The following CITED4 variants were observed in gnomAD, a reference collection of about 807,000 sequenced individuals.
The protein encoded by CITED4 is Cbp/p300 interacting transactivator with ED-rich tail 4.
CITED4 carries 3 observed loss-of-function variants against 3.3 expected under a neutral mutation model. That is an observed-to-expected ratio of 0.92 (90% CI 0.42 to 2.38). The LOEUF (loss-of-function observed/expected upper bound fraction) is 2.38, where lower values mean the gene tolerates loss of function less well. Ranked by LOEUF, CITED4 falls within the 30% of genes most tolerant of loss-of-function variation. CITED4 has a pLI of 0.05. For synonymous variants in CITED4, 167 were observed against 145.8 expected, an observed-to-expected ratio of 1.15 and a Z score of -1.05; for missense variants, 333 against 274.2, an observed-to-expected ratio of 1.21 and a Z score of -1.51.
rs934346252 is a variant in CITED4 at position 40,862,339 on chromosome 1, A to C, written c.-212T>G. ...CAGCCTGGGGTCACAAAGGCCCGCA[A>C]CCTGTAGTGCTCCGAAACCTCCGCG... On this transcript the variant is annotated 5_prime_UTR_variant, in exon 1 of 1. Transcript: ENST00000372638. 6.0e-6 allele frequency: 2 copies of C among 330,874 alleles called. No homozygotes were observed. The highest frequency in any genetic ancestry group is 4.3e-5 in the African/African-American group (2 of 46,226). 20.5% of individuals were successfully genotyped at this position (330,874 alleles called of 1,614,324 possible).
chr1:40,862,014 C>G lies in CITED4; in HGVS notation c.114G>C (p.Pro38=). The change falls in exon 1 of 1, where the codon CCG becomes CCC. Residue 38 remains proline (P), a synonymous_variant. Coordinates refer to ENST00000372638, the MANE Select transcript of CITED4 (RefSeq NM_133467.3). ...GCGGCCTCAGCCCACTGTCCAGGCC[C>G]GGGCCCGCGTACGGCGGCAGAGTCC... The part of the protein sequence containing the change: ...ALRTLPPYAG[P]GLDSGLRPRG... 3 of 1,299,644 alleles carry G rather than the reference C, an allele frequency of 2.3e-6. No homozygotes were observed. Among genetic ancestry groups the G allele is most frequent in the South Asian group, 2.0e-5 (1 of 49,050 alleles). The allele number at this position is 1,299,644 out of a possible 1,614,324, so 80.5% of individuals were successfully genotyped here.
rs1649363431 is a variant in CITED4, at chr1:40,861,128, C to T, written c.*445G>A. On this transcript the variant is annotated 3_prime_UTR_variant, in exon 1 of 1. Coordinates refer to ENST00000372638, the MANE Select transcript of CITED4 (RefSeq NM_133467.3). ...GCTCCACGGGTTCGGGCTGTACAAC[C>T]TTCCCCTCCTTGAGGTGGGAGGCCC... 1 of 153,436 alleles carries T rather than the reference C, an allele frequency of 6.5e-6. No homozygotes were observed. Among genetic ancestry groups the T allele is most frequent in the African/African-American group, 2.4e-5 (1 of 41,508 alleles). The allele number at this position is 153,436 out of a possible 1,614,324, so 9.5% of individuals were successfully genotyped here.
Position 40,861,912 on chromosome 1 carries a change from G to A in CITED4, c.216C>T (p.Ser72=). 8.0e-7 allele frequency: 1 copy of A among 1,254,632 alleles called. No individual in the cohort carries two copies. The highest frequency in any genetic ancestry group is 3.8e-5 in the Admixed American group (1 of 26,578). 77.7% of individuals were successfully genotyped at this position (1,254,632 alleles called of 1,614,324 possible). A position where few individuals can be genotyped will look rare whatever the true frequency, so the allele number is the denominator to read the frequency against. ...GAGGCACGGCCGGAAAGGGCTGGAA[G>A]GAGGACGGCGGCCCGAAGGCCCCGT... ...LAYGAFGPPS[S]FQPFPAVPPP... Residue 72 remains serine (S), a synonymous_variant, in exon 1 of 1, where the codon TCC becomes TCT. Transcript: ENST00000372638.
At position 40,861,962 on chromosome 1, in the gene CITED4, GC is replaced by G; in HGVS notation, c.165del (p.Arg57AlafsTer86). The G allele has an allele frequency of 8.0e-7, 1 of 1,244,538 alleles. No individual in the cohort carries two copies. Among genetic ancestry groups the G allele is most frequent in the Non-Finnish European group, 1.0e-6 (1 of 994,210 alleles). 77.1% of individuals were successfully genotyped at this position (1,244,538 alleles called of 1,614,324 possible). A position where few individuals can be genotyped will look rare whatever the true frequency, so the allele number is the denominator to read the frequency against. Reference protein sequence around the residue: ...RPRGAPLGPPPPRQPGALAYG... With the variant: ...RPRGAPLGPPXPRQPGALAYG... ...TACGCCAGGGCCCCGGGTTGGCGGG[GC>G]GGCGGCGGCCCCAGCGGAGCCCCCC... is the stretch of plus-strand genomic sequence containing the variant. On this transcript the variant is annotated frameshift_variant, in exon 1 of 1. Transcript: ENST00000372638. LOFTEE classifies it low-confidence loss of function (END_TRUNC).
In CITED4 at chr1:40,861,805, C is replaced by T. The variant is rs1441983325; in HGVS notation, c.323G>A (p.Gly108Glu). ...CGCCGGCTGCGGGCCCGGGGGGCCT[C>T]CCGGAGCGTTGGGGGGCGCGGCCGC... ...GRAAAPPNAP[G>E]GPPGPQPAPS... The change falls in exon 1 of 1, where the codon GGA (glycine) becomes GAA (glutamate). Residue 108 changes from glycine (G) to glutamate (E), a missense_variant. Coordinates refer to ENST00000372638, the MANE Select transcript of CITED4 (RefSeq NM_133467.3). 2 of 1,118,678 alleles carry T rather than the reference C, an allele frequency of 1.8e-6. No individual in the cohort carries two copies. Among genetic ancestry groups the T allele is most frequent in the Non-Finnish European group, 1.1e-6 (1 of 917,018 alleles). The allele number at this position is 1,118,678 out of a possible 1,614,324, so 69.3% of individuals were successfully genotyped here. A position where few individuals can be genotyped will look rare whatever the true frequency, so the allele number is the denominator to read the frequency against.
chr1:40,861,676 A>T lies in CITED4; in HGVS notation c.452T>A (p.Leu151Gln). The T allele has an allele frequency of 6.7e-7, 1 of 1,497,398 alleles. No homozygotes were observed. The highest frequency in any genetic ancestry group is 8.9e-7 in the Non-Finnish European group (1 of 1,126,188). The allele number at this position is 1,497,398 out of a possible 1,614,324, so 92.8% of individuals were successfully genotyped here. A position where few individuals can be genotyped will look rare whatever the true frequency, so the allele number is the denominator to read the frequency against. The change falls in exon 1 of 1, where the codon CTG (leucine) becomes CAG (glutamine). Residue 151 changes from leucine (L) to glutamine (Q), a missense_variant. Leu to Gln is a moderately radical substitution (Grantham distance 113, BLOSUM62 -2). Transcript: ENST00000372638. Reference protein sequence around the residue: ...ALTSLELELGLHRVRELPELF... With the variant: ...ALTSLELELGQHRVRELPELF... ...CTCGGGCAGCTCGCGCACGCGGTGC[A>T]GCCCGAGCTCCAGCTCCAGCGACGT...
chr1:40,862,204 C>A lies in CITED4; in HGVS notation c.-77G>T, dbSNP rs1445304043. The A allele has an allele frequency of 1.0e-6, 1 of 953,574 alleles. No individual in the cohort carries two copies. The highest frequency in any genetic ancestry group is 1.3e-6 in the Non-Finnish European group (1 of 743,406). The allele number at this position is 953,574 out of a possible 1,614,324, so 59.1% of individuals were successfully genotyped here. Reference sequence around the variant, plus strand: ...CCCCCGGCCCGGGCCAGCGGCTGCTCTGCGGCGGGAGACCCGGGCACCGTG... The same window carrying A: ...CCCCCGGCCCGGGCCAGCGGCTGCTATGCGGCGGGAGACCCGGGCACCGTG... On this transcript the variant is annotated 5_prime_UTR_variant, in exon 1 of 1. Coordinates refer to ENST00000372638, the MANE Select transcript of CITED4 (RefSeq NM_133467.3).
At position 40,861,681 on chromosome 1, in the gene CITED4, G is replaced by A. The variant is rs1321093143; in HGVS notation, c.447C>T (p.Leu149=). 6.7e-7 allele frequency: 1 copy of A among 1,494,616 alleles called. No homozygotes were observed. 92.6% of individuals were successfully genotyped at this position (1,494,616 alleles called of 1,614,324 possible). A position where few individuals can be genotyped will look rare whatever the true frequency, so the allele number is the denominator to read the frequency against. The change falls in exon 1 of 1, where the codon CTC becomes CTT. Residue 149 remains leucine, a synonymous_variant. Transcript: ENST00000372638. Reference sequence around the variant, plus strand: ...GCAGCTCGCGCACGCGGTGCAGCCCGAGCTCCAGCTCCAGCGACGTCAGCG... The same window carrying A: ...GCAGCTCGCGCACGCGGTGCAGCCCAAGCTCCAGCTCCAGCGACGTCAGCG... The part of the protein sequence containing the change: ...EEALTSLELE[L]GLHRVRELPE...
At position 40,862,179 on chromosome 1, in the gene CITED4, C is replaced by G; in HGVS notation, c.-52G>C. 8.9e-7 allele frequency: 1 copy of G among 1,127,760 alleles called. No individual in the cohort carries two copies. The highest frequency in any genetic ancestry group is 1.1e-6 in the Non-Finnish European group (1 of 896,470). The allele number at this position is 1,127,760 out of a possible 1,614,324, so 69.9% of individuals were successfully genotyped here. On this transcript the variant is annotated 5_prime_UTR_variant, in exon 1 of 1. Coordinates refer to ENST00000372638, the MANE Select transcript of CITED4 (RefSeq NM_133467.3). The stretch of plus-strand genomic sequence containing the variant: ...CAGCGCGCGGTGGTCAGCGCCGGCT[C>G]CCCCGGCCCGGGCCAGCGGCTGCTC...
In CITED4 at chr1:40,861,812, C is replaced by T. The variant is rs1649385427; in HGVS notation, c.316G>A (p.Ala106Thr). ...YPGRAAAPPNAPGGPPGPQPA... is the reference protein window; with the variant it reads ...YPGRAAAPPNTPGGPPGPQPA... ...TGCGGGCCCGGGGGGCCTCCCGGAG[C>T]GTTGGGGGGCGCGGCCGCGCGGCCG... Residue 106 changes from alanine to threonine, a missense_variant, in exon 1 of 1, where the codon GCT (alanine) becomes ACT (threonine). Transcript: ENST00000372638. The T allele has an allele frequency of 2.7e-6, 3 of 1,105,046 alleles. No homozygotes were observed. The highest frequency in any genetic ancestry group is 4.3e-5 in the South Asian group (1 of 23,216). The allele number at this position is 1,105,046 out of a possible 1,614,324, so 68.5% of individuals were successfully genotyped here.
In CITED4 at chr1:40,862,343, G is replaced by C; in HGVS notation, c.-216C>G. On this transcript the variant is annotated 5_prime_UTR_variant, in exon 1 of 1. Coordinates refer to ENST00000372638, the MANE Select transcript of CITED4 (RefSeq NM_133467.3). ...CTGGGGTCACAAAGGCCCGCAACCT[G>C]TAGTGCTCCGAAACCTCCGCGTCGC... 1 of 328,186 alleles carries C rather than the reference G, an allele frequency of 3.0e-6. No individual in the cohort carries two copies. The highest frequency in any genetic ancestry group is 4.9e-5 in the Admixed American group (1 of 20,476). The allele number at this position is 328,186 out of a possible 1,614,324, so 20.3% of individuals were successfully genotyped here.
In CITED4 at chr1:40,862,037, T is replaced by G; in HGVS notation, c.91A>C (p.Thr31Pro). The G allele has an allele frequency of 7.6e-7, 1 of 1,317,144 alleles. No individual in the cohort carries two copies. Among genetic ancestry groups the G allele is most frequent in the Non-Finnish European group, 9.7e-7 (1 of 1,032,944 alleles). 81.6% of individuals were successfully genotyped at this position (1,317,144 alleles called of 1,614,324 possible). Residue 31 changes from threonine (T) to proline (P), a missense_variant, in exon 1 of 1, where the codon ACT (threonine) becomes CCT (proline). Coordinates refer to ENST00000372638, the MANE Select transcript of CITED4 (RefSeq NM_133467.3). ...AAAHGPHALR[T>P]LPPYAGPGLD... ...CCCGGGCCCGCGTACGGCGGCAGAG[T>G]CCGGAGCGCATGAGGGCCATGGGCG...
At position 40,861,967 on chromosome 1, in the gene CITED4, G is replaced by C; in HGVS notation, c.161C>G (p.Pro54Arg). 1 of 1,246,744 alleles carries C rather than the reference G, an allele frequency of 8.0e-7. No homozygotes were observed. The highest frequency in any genetic ancestry group is 1.0e-6 in the Non-Finnish European group (1 of 995,544). 77.2% of individuals were successfully genotyped at this position (1,246,744 alleles called of 1,614,324 possible). ...LRPRGAPLGP[P>R]PPRQPGALAY... is the part of the protein sequence containing the mutation. Reference sequence around the variant, plus strand: ...CAGGGCCCCGGGTTGGCGGGGCGGCGGCGGCCCCAGCGGAGCCCCCCGCGG... The same window carrying C: ...CAGGGCCCCGGGTTGGCGGGGCGGCCGCGGCCCCAGCGGAGCCCCCCGCGG... The change falls in exon 1 of 1, where the codon CCG (proline) becomes CGG (arginine). Residue 54 changes from proline to arginine, a missense_variant. By Grantham distance (103) the Pro-to-Arg change is moderately radical (BLOSUM62 -2). Transcript: ENST00000372638.
Position 40,861,821 on chromosome 1 carries a change from GCGC to G in CITED4, c.304_306del (p.Ala102del). The stretch of plus-strand genomic sequence containing the variant: ...GGGGGGCCTCCCGGAGCGTTGGGGG[GCGC>G]GGCCGCGCGGCCGGGGTACGGCGTC... On this transcript the variant is annotated inframe_deletion, in exon 1 of 1. Coordinates refer to ENST00000372638, the MANE Select transcript of CITED4 (RefSeq NM_133467.3). The G allele has an allele frequency of 9.1e-7, 1 of 1,096,830 alleles. No individual in the cohort carries two copies. The highest frequency in any genetic ancestry group is 1.1e-6 in the Non-Finnish European group (1 of 903,776). 67.9% of individuals were successfully genotyped at this position (1,096,830 alleles called of 1,614,324 possible).
chr1:40,862,285 C>G lies in CITED4; in HGVS notation c.-158G>C. The G allele has an allele frequency of 2.7e-6, 1 of 375,450 alleles. No homozygotes were observed. The highest frequency in any genetic ancestry group is 4.6e-6 in the Non-Finnish European group (1 of 218,786). The allele number at this position is 375,450 out of a possible 1,614,324, so 23.3% of individuals were successfully genotyped here. ...AACCAAACCCGACTGGTGCCCCGGC[C>G]CAGCCCACTACTGCGCACCTTGCGG... On this transcript the variant is annotated 5_prime_UTR_variant, in exon 1 of 1. Coordinates refer to ENST00000372638, the MANE Select transcript of CITED4 (RefSeq NM_133467.3).
In CITED4 at chr1:40,861,851, C is replaced by A; in HGVS notation, c.277G>T (p.Ala93Ser). 2 of 1,158,374 alleles carry A rather than the reference C, an allele frequency of 1.7e-6. No homozygotes were observed. The highest frequency in any genetic ancestry group is 2.1e-6 in the Non-Finnish European group (2 of 942,016). 71.8% of individuals were successfully genotyped at this position (1,158,374 alleles called of 1,614,324 possible). A position where few individuals can be genotyped will look rare whatever the true frequency, so the allele number is the denominator to read the frequency against. ...GCCGCGCGGCCGGGGTACGGCGTCG[C>A]CACAGGCTGCAGGTGCGCGATGCCC... is the stretch of plus-strand genomic sequence containing the variant. ...AAGIAHLQPV[A>S]TPYPGRAAAP... Residue 93 changes from alanine to serine, a missense_variant, in exon 1 of 1, where the codon GCG becomes TCG. By Grantham distance (99) the Ala-to-Ser change is moderately conservative (BLOSUM62 1). Coordinates refer to ENST00000372638, the MANE Select transcript of CITED4 (RefSeq NM_133467.3).
Position 40,861,433 on chromosome 1 carries a change from C to G in CITED4, c.*140G>C, listed in dbSNP as rs1380457358. 1 of 402,400 alleles carries G rather than the reference C, an allele frequency of 2.5e-6. No individual in the cohort carries two copies. Among genetic ancestry groups the G allele is most frequent in the Non-Finnish European group, 4.2e-6 (1 of 240,144 alleles). The allele number at this position is 402,400 out of a possible 1,614,324, so 24.9% of individuals were successfully genotyped here. ...CCTGGAGGGACGCCAGGGTCCCAGT[C>G]CGGTGCCGGGCCCTGCGCACACAGC... On this transcript the variant is annotated 3_prime_UTR_variant, in exon 1 of 1. Transcript: ENST00000372638.
chr1:40,861,583 A>G lies in CITED4; in HGVS notation c.545T>C (p.Val182Ala), dbSNP rs1649376673. Residue 182 changes from valine to alanine, a missense_variant, in exon 1 of 1, where the codon GTG becomes GCG. Physicochemically the swap from Val to Ala is moderately conservative, Grantham distance 64. Coordinates refer to ENST00000372638, the MANE Select transcript of CITED4 (RefSeq NM_133467.3). The stretch of plus-strand genomic sequence containing the variant: ...GGGCGCCGGCCGCCCTCAGCAGCTC[A>G]CGGAGCCGGCGGGCGGCGCGGACCC... ...DLGSAPPAGS[V>A]SC is the part of the protein sequence containing the mutation. The G allele has an allele frequency of 4.2e-6, 6 of 1,444,382 alleles. No individual in the cohort carries two copies. Among genetic ancestry groups the G allele is most frequent in the Non-Finnish European group, 5.5e-6 (6 of 1,099,646 alleles). The allele number at this position is 1,444,382 out of a possible 1,614,324, so 89.5% of individuals were successfully genotyped here. A position where few individuals can be genotyped will look rare whatever the true frequency, so the allele number is the denominator to read the frequency against.
chr1:40,861,600 C>T lies in CITED4; in HGVS notation c.528G>A (p.Ala176=). 2.0e-6 allele frequency: 3 copies of T among 1,463,434 alleles called. No homozygotes were observed. Among genetic ancestry groups the T allele is most frequent in the East Asian group, 3.0e-5 (1 of 33,038 alleles). 90.7% of individuals were successfully genotyped at this position (1,463,434 alleles called of 1,614,324 possible). ...AGCAGCTCACGGAGCCGGCGGGCGG[C>T]GCGGACCCCAAGTCCGAGAAGCAGT... ...EFDCFSDLGS[A]PPAGSVSC Residue 176 remains alanine (A), a synonymous_variant, in exon 1 of 1, where the codon GCG becomes GCA. Coordinates refer to ENST00000372638, the MANE Select transcript of CITED4 (RefSeq NM_133467.3).
Sources: allele counts gnomAD v4.1 joint callset, GRCh38; gene constraint gnomAD v4.1.1; transcripts MANE v1.5; gene names NCBI Gene and HGNC (gene_info 2026-07-23, HGNC 2026-07-21).